CSNK1G1: variants seen among roughly 807,000 people sequenced by gnomAD.
CSNK1G1 encodes the protein casein kinase I isoform gamma-1.
In CSNK1G1, 22 loss-of-function variants were observed where a neutral mutation model predicts 59.6. The observed-to-expected ratio is 0.37, with a 90% confidence interval of 0.26 to 0.53. The LOEUF (loss-of-function observed/expected upper bound fraction) is 0.53. Ranked by LOEUF, CSNK1G1 falls within the 20% of genes least tolerant of loss-of-function variation. The pLI, the probability that CSNK1G1 is intolerant of heterozygous loss-of-function variation, is 0.89. For missense variants in CSNK1G1, 384 were observed against 519.5 expected, an observed-to-expected ratio of 0.74 and a Z score of 2.54; for synonymous variants, 179 against 177.1, an observed-to-expected ratio of 1.01 and a Z score of -0.08.
rs116418140 is a variant in CSNK1G1 at position 64,321,440 on chromosome 15, G to C, written c.-224-20717C>G. On this transcript the variant is annotated intron_variant, in intron 1 of 11. Transcript: ENST00000303052. ...CCAGCTAATTTTTCTATTTTTTGGT[G>C]GGGGAAGAGACTAGGTTGTGCTATG... Among the ~76,000 whole-genome samples the C allele has an allele frequency of 1.6e-3, 246 of 151,736 alleles. 2 individuals carry two copies. Among genetic ancestry groups the C allele is most frequent in the African/African-American group, 5.7e-3 (237 of 41,402 alleles).
chr15:64,275,276 T>A lies in CSNK1G1; in HGVS notation c.182-16035A>T, dbSNP rs138637906. Among the ~76,000 whole-genome samples the A allele has an allele frequency of 7.0e-4, 107 of 152,274 alleles. 4 individuals carry two copies. The highest frequency in any genetic ancestry group is 2.5e-3 in the African/African-American group (104 of 41,568). On this transcript the variant is annotated intron_variant, in intron 2 of 11. Coordinates refer to ENST00000303052, the MANE Select transcript of CSNK1G1 (RefSeq NM_022048.5). ...CTGGTCTCAAACTCCTGACCTCAGG[T>A]GAGCCTCCCGTCTGGGCCTCCCAAA...
At chr15:64,327,622 C>T (rs1231774930) in intron 1 of CSNK1G1, among the ~76,000 whole-genome samples, 4 of 151,248 alleles carry the variant, frequency 2.6e-5, no homozygotes, top group Admixed American at 6.6e-5. Context: ...AGCGCCTCTC[C>T]TCCTCCAAAG....
chr15:64,177,669 A>G (rs1448143079), intron 11 of CSNK1G1, among the ~76,000 whole-genome samples: 1 of 152,206 alleles, frequency 6.6e-6, no homozygotes, highest in Non-Finnish European at 1.5e-5. Flanking sequence ...AGATTATACC[A>G]ATACAGAATA....
At chr15:64,219,046 C>T (rs923775174) in intron 4 of CSNK1G1, among the ~76,000 whole-genome samples, 3 of 151,290 alleles carry the variant, frequency 2.0e-5, no homozygotes, top group Admixed American at 6.6e-5. Context: ...GTAGAGACAG[C>T]GTTCCCCCAT....
At chr15:64,284,129 T>C (rs1299553208) in intron 2 of CSNK1G1, among the ~76,000 whole-genome samples, 1 of 152,214 alleles carries the variant, frequency 6.6e-6, no homozygotes, top group East Asian at 1.9e-4. Flanking sequence ...GACACACCTG[T>C]CAAGTGCAAT....
intron 4 of CSNK1G1, among the ~76,000 whole-genome samples, chr15:64,238,634 AAG>A (rs1322933904): frequency 2.0e-5 from 3 of 150,148 alleles, no homozygotes; most frequent in Non-Finnish European, 4.4e-5. Flanking sequence ...ATGGGAAAAA[AAG>A]AAACAACCAC....
chr15:64,334,019 A>T (rs1897251274), intron 1 of CSNK1G1, among the ~76,000 whole-genome samples: 1 of 152,166 alleles, frequency 6.6e-6, no homozygotes, highest in African/African-American at 2.4e-5. Context: ...GATCTTAGAG[A>T]CACAAAGTCA....
In CSNK1G1 at chr15:64,167,264, T is replaced by C. The variant is rs1223100268; in HGVS notation, c.*4667A>G. 6.6e-6 allele frequency: 1 copy of C among 152,216 alleles called. No homozygotes were observed. Among genetic ancestry groups the C allele is most frequent in the African/African-American group, 2.4e-5 (1 of 41,460 alleles). The allele number at this position is 152,216 out of a possible 1,614,324, so 9.4% of individuals were successfully genotyped here. A position where few individuals can be genotyped will look rare whatever the true frequency, so the allele number is the denominator to read the frequency against. On this transcript the variant is annotated 3_prime_UTR_variant, in exon 12 of 12. Coordinates refer to ENST00000303052, the MANE Select transcript of CSNK1G1 (RefSeq NM_022048.5). ...AAAGGATAAACCCACATAAGGGCCA[T>C]GGTTGCCTCTTCTTTTTCTTATTCA...
At chr15:64,211,611 ATAT>A (rs1281059487) in intron 6 of CSNK1G1, among the ~76,000 whole-genome samples, 2 of 152,204 alleles carry the variant, frequency 1.3e-5, no homozygotes, top group African/African-American at 4.8e-5. Context: ...ATATGGACTG[ATAT>A]TACTATTATC....
chr15:64,215,495 A>T (rs1207884347), intron 5 of CSNK1G1, among the ~76,000 whole-genome samples: 2 of 152,190 alleles, frequency 1.3e-5, no homozygotes, highest in African/African-American at 4.8e-5. Context: ...TACAGGCGTG[A>T]GCCACCATTC....
At chr15:64,286,514 C>A (rs1422645450) in intron 2 of CSNK1G1, among the ~76,000 whole-genome samples, 1 of 151,890 alleles carries the variant, frequency 6.6e-6, no homozygotes, top group Non-Finnish European at 1.5e-5. Flanking sequence ...AGCTAATTAT[C>A]TTATATATTT....
intron 2 of CSNK1G1, among the ~76,000 whole-genome samples, chr15:64,268,178 A>G (rs188842806): frequency 9.5e-4 from 144 of 152,316 alleles, no homozygotes; most frequent in South Asian, 7.9e-3. Flanking sequence ...CATTTGTGGC[A>G]AAGGAATAAA....
At chr15:64,287,165 G>C (rs1337613031) in intron 2 of CSNK1G1, among the ~76,000 whole-genome samples, 1 of 152,146 alleles carries the variant, frequency 6.6e-6, no homozygotes, top group African/African-American at 2.4e-5. Context: ...CTGGGCTGTA[G>C]TTCCAATTCT....
At chr15:64,318,816 G>A (rs1208877657) in intron 1 of CSNK1G1, among the ~76,000 whole-genome samples, 1 of 151,780 alleles carries the variant, frequency 6.6e-6, no homozygotes, top group African/African-American at 2.4e-5. Flanking sequence ...TCACCATGTT[G>A]GCCGGGCTGG....
At chr15:64,225,050 C>T (rs898538093) in intron 4 of CSNK1G1, among the ~76,000 whole-genome samples, 3 of 146,766 alleles carry the variant, frequency 2.0e-5, no homozygotes, top group African/African-American at 5.1e-5. Flanking sequence ...GCTCTGTTGC[C>T]CAGGCTGGAG....
intron 1 of CSNK1G1, among the ~76,000 whole-genome samples, chr15:64,343,943 T>C (rs1333217159): frequency 2.0e-5 from 3 of 152,030 alleles, no homozygotes; most frequent in Non-Finnish European, 4.4e-5. Context: ...ATTTCTAATC[T>C]ATTGAATTCA....
At chr15:64,320,059 G>C (rs1596272251) in intron 1 of CSNK1G1, among the ~76,000 whole-genome samples, 1 of 150,776 alleles carries the variant, frequency 6.6e-6, no homozygotes, top group Non-Finnish European at 1.5e-5. Flanking sequence ...TGAGCACCAT[G>C]ACATCTGGCT....
At chr15:64,301,131 A>G (rs1895311207) in intron 1 of CSNK1G1, among the ~76,000 whole-genome samples, 1 of 152,182 alleles carries the variant, frequency 6.6e-6, no homozygotes, top group Non-Finnish European at 1.5e-5. Flanking sequence ...AAATTAGACT[A>G]TTCACTCCCC....
At chr15:64,208,543 C>A (rs530532425) in intron 6 of CSNK1G1, among the ~76,000 whole-genome samples, 1 of 152,142 alleles carries the variant, frequency 6.6e-6, no homozygotes, top group African/African-American at 2.4e-5. Flanking sequence ...TTTCTTTATT[C>A]TTTTTTACAG....
Sources: gnomAD v4.1 joint callset for allele counts (sites outside exome capture counted in the v4.1 genomes callset) on GRCh38, gnomAD v4.1.1 for gene constraint, MANE v1.5 for transcripts, NCBI Gene and HGNC (gene_info 2026-07-23, HGNC 2026-07-21) for gene names.